ASTN2: variants seen among roughly 807,000 people sequenced by gnomAD.
ASTN2 encodes the protein astrotactin-2.
ASTN2 carries 54 observed loss-of-function variants against 139.8 expected under a neutral mutation model. That is an observed-to-expected ratio of 0.39 (90% confidence interval 0.31 to 0.48). The LOEUF is 0.48. Ranked by LOEUF, ASTN2 falls within the 20% of genes least tolerant of loss-of-function variation. The pLI is 0.95. For synonymous variants in ASTN2, 756 were observed against 719.5 expected, an observed-to-expected ratio of 1.05 and a Z score of -0.81; for missense variants, 1,565 against 1,725.1, an observed-to-expected ratio of 0.91 and a Z score of 1.64.
chr9:116,622,299 T>G (rs1200927640), intron 17 of ASTN2, among the ~76,000 whole-genome samples: 1 of 152,178 alleles, frequency 6.6e-6, no homozygotes, highest in Non-Finnish European at 1.5e-5. Flanking sequence ...AAGTCTCCAA[T>G]TATTCCTGCC....
At chr9:116,489,308 T>G (rs537100899) in intron 19 of ASTN2, among the ~76,000 whole-genome samples, 1 of 152,172 alleles carries the variant, frequency 6.6e-6, no homozygotes, top group Non-Finnish European at 1.5e-5. Context: ...GTTTCATTCT[T>G]TATTTTATTT....
intron 10 of ASTN2, among the ~76,000 whole-genome samples, chr9:116,897,634 G>C (rs764547340): frequency 6.6e-6 from 1 of 151,970 alleles, no homozygotes; most frequent in African/African-American, 2.4e-5. Context: ...TTCATATGCC[G>C]GAATGTTCTC....
intron 20 of ASTN2, among the ~76,000 whole-genome samples, chr9:116,471,378 T>C (rs944330435): frequency 9.2e-5 from 14 of 152,172 alleles, no homozygotes; most frequent in Admixed American, 3.3e-4. Context: ...CAGAAAGAAA[T>C]AGTAACTTCT....
intron 16 of ASTN2, among the ~76,000 whole-genome samples, chr9:116,656,603 C>T (rs1157774703): frequency 6.6e-6 from 1 of 151,458 alleles, no homozygotes; most frequent in Non-Finnish European, 1.5e-5. Context: ...GACACTACAA[C>T]CCATTCATTT....
intron 20 of ASTN2, among the ~76,000 whole-genome samples, chr9:116,479,226 G>C (rs1465416069): frequency 1.3e-5 from 2 of 152,130 alleles, no homozygotes; most frequent in African/African-American, 4.8e-5. Context: ...GCCCTGGAGG[G>C]CTCCTGATGA....
chr9:117,162,167 T>C (rs1411819515), intron 3 of ASTN2, among the ~76,000 whole-genome samples: 2 of 152,088 alleles, frequency 1.3e-5, no homozygotes, highest in Non-Finnish European at 2.9e-5. Context: ...TTTTCTATCC[T>C]ATCAGGGGAA....
At chr9:116,724,729 G>A (rs1418361850) in intron 16 of ASTN2, among the ~76,000 whole-genome samples, 1 of 152,158 alleles carries the variant, frequency 6.6e-6, no homozygotes, top group African/African-American at 2.4e-5. Flanking sequence ...GGGTGGCTGA[G>A]CTGTATGAAA....
At chr9:116,950,966 C>A (rs1835541429) in intron 10 of ASTN2, among the ~76,000 whole-genome samples, 1 of 152,080 alleles carries the variant, frequency 6.6e-6, no homozygotes, top group South Asian at 2.1e-4. Context: ...CTCCTGGTGC[C>A]CATGCCCCAT....
In ASTN2 at chr9:116,642,132, C is replaced by CCAAAAAAAAAAAAAA. The variant is rs1554724602; in HGVS notation, c.3072+9395_3072+9396insTTTTTTTTTTTTTTG. ...TGGGAAAATGAAGGCTCCCAACCCA[C>CCAAAAAAAAAAAAAA]AAAAAAAAAAAAACAAAAAAAAACA... On this transcript the variant is annotated intron_variant, in intron 17 of 22. Transcript: ENST00000313400. Among the ~76,000 whole-genome samples, 7 of 48,928 alleles carry CCAAAAAAAAAAAAAA rather than the reference C, an allele frequency of 1.4e-4. 2 individuals carry two copies. Among genetic ancestry groups the CCAAAAAAAAAAAAAA allele is most frequent in the Non-Finnish European group, 1.8e-4 (5 of 27,666 alleles). The allele number at this position is 48,928 out of a possible 152,430, so 32.1% of individuals were successfully genotyped here.
At chr9:116,991,992 T>G (rs1836870825) in intron 7 of ASTN2, among the ~76,000 whole-genome samples, 1 of 152,178 alleles carries the variant, frequency 6.6e-6, no homozygotes, top group African/African-American at 2.4e-5. Context: ...CTTATTTATA[T>G]GAATGAGCGT....
At chr9:116,640,714 T>G (rs1857285117) in intron 17 of ASTN2, among the ~76,000 whole-genome samples, 1 of 152,214 alleles carries the variant, frequency 6.6e-6, no homozygotes, top group African/African-American at 2.4e-5. Context: ...ACTTTGGTTT[T>G]TATCTTAAGA....
chr9:116,540,556 G>A (rs772728918), intron 19 of ASTN2: 1 of 152,216 alleles, frequency 6.6e-6, no homozygotes, highest in African/African-American at 2.4e-5. Context: ...TTGGCCTCTG[G>A]ATGAATTCTC....
chr9:116,709,267 G>T (rs933270792), intron 16 of ASTN2, among the ~76,000 whole-genome samples: 1 of 152,126 alleles, frequency 6.6e-6, no homozygotes, highest in African/African-American at 2.4e-5. Flanking sequence ...TAAATACCAT[G>T]GTGCTGGTAA....
chr9:117,038,824 T>C (rs1488076248), intron 6 of ASTN2, among the ~76,000 whole-genome samples: 1 of 152,154 alleles, frequency 6.6e-6, no homozygotes, highest in Non-Finnish European at 1.5e-5. Context: ...ACTTTAGCAA[T>C]AGATAGTAAC....
At chr9:117,147,464 C>CACACACACACACACACACACACACACA (rs58379572) in intron 3 of ASTN2, among the ~76,000 whole-genome samples, 1 of 146,278 alleles carries the variant, frequency 6.8e-6, no homozygotes, top group African/African-American at 2.6e-5. Flanking sequence ...CACACACACA[C>CACACACACACACACACACACACACACA]CCCCGTTATC....
At chr9:116,930,689 G>A (rs10817961) in intron 10 of ASTN2, among the ~76,000 whole-genome samples, 32,281 of 152,022 alleles carry the variant, frequency 0.21, 3,837 homozygotes, top group Non-Finnish European at 0.25. Context: ...GAAGGGCAGG[G>A]AAGGGAGAAA....
intron 3 of ASTN2, among the ~76,000 whole-genome samples, chr9:117,142,560 G>A (rs983045142): frequency 2.6e-5 from 4 of 152,126 alleles, no homozygotes; most frequent in African/African-American, 4.8e-5. Context: ...CCAATATTCC[G>A]TTTGCACCAA....
intron 5 of ASTN2, among the ~76,000 whole-genome samples, chr9:117,080,434 A>G (rs1200291300): frequency 6.6e-6 from 1 of 152,188 alleles, no homozygotes; most frequent in Non-Finnish European, 1.5e-5. Context: ...GTTTAGGTTT[A>G]GCACTTCAAG....
intron 4 of ASTN2, among the ~76,000 whole-genome samples, chr9:117,118,084 C>G (rs747424873): frequency 7.9e-5 from 12 of 152,248 alleles, no homozygotes; most frequent in Non-Finnish European, 1.8e-4. Flanking sequence ...GCTCAGTAGC[C>G]GAGACCTAGG....
Sources: allele counts gnomAD v4.1 joint callset (sites outside exome capture counted in the v4.1 genomes callset), GRCh38; gene constraint gnomAD v4.1.1; transcripts MANE v1.5; gene names NCBI Gene and HGNC (gene_info 2026-07-23, HGNC 2026-07-21).